The following RANBP17 variants were observed in gnomAD, a reference collection of about 807,000 sequenced individuals.
RANBP17 encodes the protein ran-binding protein 17.
A neutral mutation model predicts 141.2 loss-of-function variants in RANBP17; 158 were observed. The observed-to-expected ratio is 1.12, with a 90% CI of 0.98 to 1.28. The LOEUF (loss-of-function observed/expected upper bound fraction) is 1.28, where lower values mean the gene tolerates loss of function less well. Ranked by LOEUF, RANBP17 falls within the 50% of genes most tolerant of loss-of-function variation. RANBP17 has a pLI of 0.00. For synonymous variants in RANBP17, 430 were observed against 450.0 expected (o/e 0.96, Z 0.56); for missense variants, 1,438 against 1,290.7 (o/e 1.11, Z -1.75).
At chr5:171,073,708 G>C (rs1262083718) in intron 14 of RANBP17, among the ~76,000 whole-genome samples, 1 of 152,068 alleles carries the variant, frequency 6.6e-6, no homozygotes, top group Non-Finnish European at 1.5e-5. Flanking sequence ...CCTAATCTTG[G>C]TTTCTGCATA....
At chr5:171,236,766 C>A (rs1764568446) in intron 22 of RANBP17, among the ~76,000 whole-genome samples, 1 of 152,130 alleles carries the variant, frequency 6.6e-6, no homozygotes, top group African/African-American at 2.4e-5. Flanking sequence ...GTGTTATTAT[C>A]CTCATTTTGT....
At chr5:170,935,249 A>T (rs189162582) in intron 12 of RANBP17, among the ~76,000 whole-genome samples, 26 of 152,300 alleles carry the variant, frequency 1.7e-4, no homozygotes, top group African/African-American at 6.0e-4. Context: ...GGGTTCGAAC[A>T]TCCTCCTTTA....
intron 26 of RANBP17, among the ~76,000 whole-genome samples, chr5:171,294,390 A>G (rs1289897157): frequency 6.6e-6 from 1 of 152,188 alleles, no homozygotes; most frequent in Non-Finnish European, 1.5e-5. Context: ...CATTCCTCAC[A>G]GAACCAGCAC....
chr5:170,962,851 A>G (rs1231247443), intron 13 of RANBP17, among the ~76,000 whole-genome samples: 1 of 152,204 alleles, frequency 6.6e-6, no homozygotes, highest in Non-Finnish European at 1.5e-5. Flanking sequence ...AATAATCACT[A>G]TAAAAACGCT....
At chr5:171,145,473 A>G (rs1757975999) in intron 14 of RANBP17, among the ~76,000 whole-genome samples, 1 of 152,208 alleles carries the variant, frequency 6.6e-6, no homozygotes, top group Non-Finnish European at 1.5e-5. Flanking sequence ...TGCATATTCT[A>G]AAGGCCATAG....
intron 14 of RANBP17, among the ~76,000 whole-genome samples, chr5:170,972,607 A>G (rs1777072361): frequency 6.6e-6 from 1 of 152,090 alleles, no homozygotes; most frequent in Non-Finnish European, 1.5e-5. Context: ...TGATTTTATT[A>G]TTGATATGTT....
At chr5:170,975,318 C>T (rs907798908) in intron 14 of RANBP17, among the ~76,000 whole-genome samples, 1 of 152,088 alleles carries the variant, frequency 6.6e-6, no homozygotes, top group Non-Finnish European at 1.5e-5. Context: ...CACCTGAGGT[C>T]AGGAGTTCGA....
chr5:171,068,318 C>T (rs1784429654), intron 14 of RANBP17, among the ~76,000 whole-genome samples: 1 of 151,946 alleles, frequency 6.6e-6, no homozygotes, highest in Non-Finnish European at 1.5e-5. Flanking sequence ...TCCTGGTTTC[C>T]TTTCATTCCT....
intron 14 of RANBP17, among the ~76,000 whole-genome samples, chr5:171,110,457 G>A (rs576931753): frequency 3.9e-5 from 6 of 152,042 alleles, no homozygotes; most frequent in Non-Finnish European, 7.4e-5. Context: ...CCCTTTAGCC[G>A]TCATATCTAT....
chr5:171,067,981 C>G (rs1784407551), intron 14 of RANBP17, among the ~76,000 whole-genome samples: 1 of 151,916 alleles, frequency 6.6e-6, no homozygotes, highest in South Asian at 2.1e-4. Flanking sequence ...GCTCCTTTCT[C>G]CCTCTCTTTT....
intron 24 of RANBP17, among the ~76,000 whole-genome samples, chr5:171,243,973 G>A (rs921855567): frequency 2.0e-5 from 3 of 152,116 alleles, no homozygotes; most frequent in African/African-American, 7.2e-5. Context: ...AACTACTCAG[G>A]AGGCTGAGGC....
At chr5:171,118,828 G>A (rs1407282117) in intron 14 of RANBP17, among the ~76,000 whole-genome samples, 3 of 152,132 alleles carry the variant, frequency 2.0e-5, no homozygotes, top group African/African-American at 7.2e-5. Flanking sequence ...TTTTGGTAGA[G>A]TCTTTAGGTT....
intron 24 of RANBP17, among the ~76,000 whole-genome samples, chr5:171,261,478 G>A (rs930652175): frequency 5.9e-5 from 9 of 152,052 alleles, no homozygotes; most frequent in African/African-American, 1.7e-4. Context: ...GGCAGATTTC[G>A]GTTCAGCCTC....
intron 14 of RANBP17, among the ~76,000 whole-genome samples, chr5:171,012,367 G>A (rs1430909858): frequency 1.3e-5 from 2 of 151,758 alleles, no homozygotes; most frequent in African/African-American, 4.9e-5. Context: ...CTGATATTTA[G>A]TATTTATCCA....
intron 14 of RANBP17, among the ~76,000 whole-genome samples, chr5:171,069,191 C>A (rs1581554462): frequency 6.6e-6 from 1 of 152,254 alleles, no homozygotes; most frequent in East Asian, 1.9e-4. Flanking sequence ...ACATTGCTGG[C>A]CAGTCATTGA....
chr5:170,929,588 G>A (rs1163425337), intron 12 of RANBP17, among the ~76,000 whole-genome samples: 2 of 152,042 alleles, frequency 1.3e-5, no homozygotes, highest in Admixed American at 6.6e-5. Flanking sequence ...ATAATATAAT[G>A]TTTCTTTAGA....
At chr5:171,041,329 C>G (rs1460158879) in intron 14 of RANBP17, among the ~76,000 whole-genome samples, 2 of 152,080 alleles carry the variant, frequency 1.3e-5, no homozygotes, top group East Asian at 1.9e-4. Flanking sequence ...TTGATCATCT[C>G]AGGGCACAAA....
intron 14 of RANBP17, among the ~76,000 whole-genome samples, chr5:171,141,432 TAAA>T (rs760388998): frequency 1.3e-4 from 17 of 130,246 alleles, no homozygotes; most frequent in African/African-American, 3.3e-4. Context: ...CCATCTCTAC[TAAA>T]AAAAAAAAAA....
intron 12 of RANBP17, among the ~76,000 whole-genome samples, chr5:170,946,529 G>T (rs1174775511): frequency 6.6e-6 from 1 of 152,138 alleles, no homozygotes; most frequent in Non-Finnish European, 1.5e-5. Flanking sequence ...TGGTAGTTAT[G>T]TTATATAAAG....
Sources: allele counts gnomAD v4.1 joint callset (sites outside exome capture counted in the v4.1 genomes callset), GRCh38; gene constraint gnomAD v4.1.1; transcripts MANE v1.5; gene names NCBI Gene and HGNC (gene_info 2026-07-23, HGNC 2026-07-21).